RASGEF1C: variants seen among roughly 807,000 people sequenced by gnomAD.
The protein encoded by RASGEF1C is ras-GEF domain-containing family member 1C.
A neutral mutation model predicts 58.1 loss-of-function variants in RASGEF1C; 27 were observed. The ratio of observed to expected loss-of-function variants is 0.46; its 90% CI spans 0.34 to 0.64. RASGEF1C has a LOEUF of 0.64. Among genes scored for constraint, RASGEF1C ranks in the 30% least tolerant of loss-of-function variants. RASGEF1C has a pLI of 0.01. For synonymous variants in RASGEF1C, 243 were observed against 246.3 expected, an observed-to-expected ratio of 0.99 and a Z score of 0.13; for missense variants, 502 against 605.1, an observed-to-expected ratio of 0.83 and a Z score of 1.79.
At chr5:180,146,602 A>C (rs772238371) in intron 1 of RASGEF1C, among the ~76,000 whole-genome samples, 1 of 151,496 alleles carries the variant, frequency 6.6e-6, no homozygotes, top group Non-Finnish European at 1.5e-5. Flanking sequence ...TCATCATGTT[A>C]ATCTATTGTA....
intron 1 of RASGEF1C, among the ~76,000 whole-genome samples, chr5:180,160,646 A>G (rs146375159): frequency 1.5e-3 from 226 of 148,726 alleles, no homozygotes; most frequent in East Asian, 0.015. Context: ...TGTCATCAGT[A>G]TTAGGAAAAC....
chr5:180,182,552 G>A (rs571803002), intron 1 of RASGEF1C, among the ~76,000 whole-genome samples: 2 of 152,302 alleles, frequency 1.3e-5, no homozygotes, highest in South Asian at 4.1e-4. Flanking sequence ...ATTTTACAGA[G>A]TGCTGATTGG....
chr5:180,139,317 G>A (rs1259496019), intron 1 of RASGEF1C, among the ~76,000 whole-genome samples: 1 of 152,212 alleles, frequency 6.6e-6, no homozygotes, highest in Non-Finnish European at 1.5e-5. Flanking sequence ...TCACTGCAGG[G>A]TCTTCTATGG....
intron 7 of RASGEF1C, among the ~76,000 whole-genome samples, chr5:180,120,721 C>T (rs10479561): frequency 0.31 from 47,025 of 152,080 alleles, 7,418 homozygotes; most frequent in South Asian, 0.38. Context: ...GCCAGCCAAA[C>T]GAGGCCCGTT....
At chr5:180,164,022 C>A (rs893149228) in intron 1 of RASGEF1C, among the ~76,000 whole-genome samples, 1 of 152,126 alleles carries the variant, frequency 6.6e-6, no homozygotes, top group East Asian at 1.9e-4. Context: ...ATGTGTGTAG[C>A]GTTGTTATAG....
intron 1 of RASGEF1C, among the ~76,000 whole-genome samples, chr5:180,192,610 GAC>G (rs1458694565): frequency 6.6e-6 from 1 of 152,138 alleles, no homozygotes; most frequent in African/African-American, 2.4e-5. Context: ...AGGCACAAAT[GAC>G]ACGTCAATTT....
intron 1 of RASGEF1C, among the ~76,000 whole-genome samples, chr5:180,148,568 G>C (rs1766694317): frequency 6.6e-6 from 1 of 151,994 alleles, no homozygotes; most frequent in Non-Finnish European, 1.5e-5. Context: ...ACTCTAATTT[G>C]AATTTAGACC....
Position 180,127,611 on chromosome 5 carries a change from T to C in RASGEF1C, c.712A>G (p.Lys238Glu), listed in dbSNP as rs759181231. ...FVNKDPLAST[K>E]PCFSDKTSNL... ...GACAGCCCGTAAGAGCCTCCTACCT[T>C]TGTGCTGGCCAGAGGGTCCTTGTTC... Residue 238 changes from lysine to glutamate, a missense_variant and splice_region_variant, in exon 6 of 14, where the codon AAG (lysine) becomes GAG (glutamate). Transcript: ENST00000361132. The C allele has an allele frequency of 1.2e-6, 2 of 1,611,348 alleles. No individual in the cohort carries two copies. The highest frequency in any genetic ancestry group is 2.2e-5 in the East Asian group (1 of 44,712).
chr5:180,197,196 C>T lies in RASGEF1C; in HGVS notation c.-7+11832G>A, dbSNP rs1756294735. 6.6e-6 allele frequency among the ~76,000 whole-genome samples: 1 copy of T among 152,218 alleles called. No individual in the cohort carries two copies. Among genetic ancestry groups the T allele is most frequent in the Non-Finnish European group, 1.5e-5 (1 of 68,038 alleles). ...GATTTGGCGTCAGGAAGCAGGGGTG[C>T]ATCAGGCACACGGGAGCTCTCTGCC... is the stretch of plus-strand genomic sequence containing the variant. On this transcript the variant is annotated intron_variant, in intron 1 of 13. Coordinates refer to ENST00000361132, the MANE Select transcript of RASGEF1C (RefSeq NM_175062.4). This position sits in a 1 kb window ranked among gnomAD's most constrained non-coding sequence, Gnocchi z 4.7.
chr5:180,172,119 G>T (rs991539356), intron 1 of RASGEF1C, among the ~76,000 whole-genome samples: 1 of 152,226 alleles, frequency 6.6e-6, no homozygotes, highest in Non-Finnish European at 1.5e-5. Flanking sequence ...GTTCTGCCCT[G>T]CCCATCTACC....
At chr5:180,126,941 A>G (rs988180227) in intron 6 of RASGEF1C, among the ~76,000 whole-genome samples, 4 of 151,880 alleles carry the variant, frequency 2.6e-5, no homozygotes, top group African/African-American at 9.7e-5. Context: ...TGTCTTCCAC[A>G]ATGTGTCTAA....
Position 180,137,718 on chromosome 5 carries a change from G to A in RASGEF1C, c.178-6C>T, listed in dbSNP as rs779895941. The A allele has an allele frequency of 1.2e-6, 2 of 1,612,950 alleles. No homozygotes were observed. The highest frequency in any genetic ancestry group is 1.7e-6 in the Non-Finnish European group (2 of 1,179,936). On this transcript the variant is annotated splice_region_variant and splice_polypyrimidine_tract_variant and intron_variant, in intron 2 of 13. Transcript: ENST00000361132. This position sits in a 1 kb window ranked among gnomAD's most constrained non-coding sequence, Gnocchi z 4.1. ...AAGGTGAAGATGTAGGCTTTCTGGG[G>A]GACACACGAGAAAGAGGGCACAGGC... is the stretch of plus-strand genomic sequence containing the variant.
intron 10 of RASGEF1C, among the ~76,000 whole-genome samples, chr5:180,116,241 G>A (rs552403933): frequency 1.8e-3 from 269 of 152,286 alleles, no homozygotes; most frequent in Non-Finnish European, 2.8e-3. Context: ...TCTGACATGA[G>A]AAGTTTAATT....
chr5:180,118,957 G>A, intron 8 of RASGEF1C, 91 bp from the exon 9 acceptor site: 3 of 1,206,430 alleles, frequency 2.5e-6, no homozygotes, highest in East Asian at 2.4e-5. Flanking sequence ...CCTGACCAGG[G>A]CTGAGGTCTG....
At chr5:180,171,082 A>G (rs6877947) in intron 1 of RASGEF1C, among the ~76,000 whole-genome samples, 36,571 of 152,080 alleles carry the variant, frequency 0.24, 5,017 homozygotes, top group Non-Finnish European at 0.31. Flanking sequence ...AGACGCGTGC[A>G]GCCAGGCACC....
intron 7 of RASGEF1C, among the ~76,000 whole-genome samples, chr5:180,119,650 G>A (rs138433950): frequency 4.7e-4 from 72 of 152,268 alleles, no homozygotes; most frequent in East Asian, 2.3e-3. Context: ...AGGTGGGCCC[G>A]GTGGGGGCAC....
chr5:180,179,223 C>T (rs942164625), intron 1 of RASGEF1C, among the ~76,000 whole-genome samples: 7 of 151,966 alleles, frequency 4.6e-5, no homozygotes. Flanking sequence ...GGACTGCTGA[C>T]ATAAAGGGAG....
At chr5:180,117,107 C>T (rs1039851930) in intron 10 of RASGEF1C, among the ~76,000 whole-genome samples, 1 of 152,216 alleles carries the variant, frequency 6.6e-6, no homozygotes. Flanking sequence ...TCCCGGGCTC[C>T]GGCTCCTGGC....
At chr5:180,169,142 T>G (rs1167888294) in intron 1 of RASGEF1C, among the ~76,000 whole-genome samples, 1 of 152,206 alleles carries the variant, frequency 6.6e-6, no homozygotes, top group African/African-American at 2.4e-5. Flanking sequence ...ACGTTTGCTT[T>G]CATTACATTA....
Sources: allele counts gnomAD v4.1 joint callset (sites outside exome capture counted in the v4.1 genomes callset), GRCh38; gene constraint gnomAD v4.1.1; non-coding constraint Gnocchi (gnomAD v3.1); transcripts MANE v1.5; gene names NCBI Gene and HGNC (gene_info 2026-07-23, HGNC 2026-07-21).